The following SHOC2 variants were observed in gnomAD, a reference collection of about 807,000 sequenced individuals.
SHOC2 encodes the protein leucine-rich repeat protein SHOC-2.
In SHOC2, 4 loss-of-function variants were observed where a neutral mutation model predicts 50.2. The observed-to-expected ratio is 0.08, with a 90% CI of 0.04 to 0.18. The LOEUF (loss-of-function observed/expected upper bound fraction) is 0.18, where lower values mean the gene tolerates loss of function less well. Among genes scored for constraint, SHOC2 ranks in the 10% least tolerant of loss-of-function variants. The probability of loss-of-function intolerance (pLI) is 1.00; values close to 1 mark genes in which losing one functional copy is unlikely to be tolerated. For missense variants in SHOC2, 388 were observed against 669.6 expected (o/e 0.58, Z 4.64); for synonymous variants, 218 against 244.5 (o/e 0.89, Z 1.01).
rs138988600 is a variant in SHOC2 at position 110,986,001 on chromosome 10, A to G, written c.841+236A>G. The G allele has an allele frequency of 3.0e-4, 145 of 476,828 alleles. 1 individual carries two copies. The highest frequency in any genetic ancestry group is 1.4e-3 in the African/African-American group (71 of 51,092). 29.5% of individuals were successfully genotyped at this position (476,828 alleles called of 1,614,324 possible). A position where few individuals can be genotyped will look rare whatever the true frequency, so the allele number is the denominator to read the frequency against. On this transcript the variant is annotated intron_variant, in intron 3 of 8. Coordinates refer to ENST00000369452, the MANE Select transcript of SHOC2 (RefSeq NM_007373.4). The stretch of plus-strand genomic sequence containing the variant: ...TAAAAGAGAGAGAATATTGAGTTAC[A>G]TGTATATATATTCTGTCATAGTTTG...
Position 111,013,063 on chromosome 10 carries a change from T to C in SHOC2, c.*1245T>C, listed in dbSNP as rs754913685. ...TTCTTGGTAGTTGTTAATACAGTTA[T>C]GGAAAAGAGGCACATTGCATAGAAG... On this transcript the variant is annotated 3_prime_UTR_variant, in exon 9 of 9. Transcript: ENST00000369452. 21 of 152,738 alleles carry C rather than the reference T, an allele frequency of 1.4e-4. No homozygotes were observed. The highest frequency in any genetic ancestry group is 2.6e-4 in the Non-Finnish European group (18 of 68,020). The allele number at this position is 152,738 out of a possible 1,614,324, so 9.5% of individuals were successfully genotyped here.
intron 3 of SHOC2, among the ~76,000 whole-genome samples, chr10:110,999,886 G>T (rs1848338284): frequency 1.3e-5 from 2 of 152,000 alleles, no homozygotes; most frequent in South Asian, 4.1e-4. Flanking sequence ...TTGGGGAGGG[G>T]GTTGAGAAAT....
Position 110,977,435 on chromosome 10 carries a change from G to A in SHOC2, c.704-8193G>A, listed in dbSNP as rs187872928. Among the ~76,000 whole-genome samples the A allele has an allele frequency of 2.4e-3, 358 of 152,212 alleles. 1 individual carries two copies. Among genetic ancestry groups the A allele is most frequent in the African/African-American group, 8.2e-3 (342 of 41,534 alleles). On this transcript the variant is annotated intron_variant, in intron 2 of 8. Transcript: ENST00000369452. ...TAATTTTGTGTTTTTAGTAGAGATG[G>A]GGTTTCTCCATGTTGGTCAGGCTGG...
chr10:110,980,011 A>G (rs912579632), intron 2 of SHOC2, among the ~76,000 whole-genome samples: 1 of 152,236 alleles, frequency 6.6e-6, no homozygotes, highest in African/African-American at 2.4e-5. Flanking sequence ...AGAATCTTAC[A>G]TAACAATTTG....
At chr10:110,932,949 A>T (rs1846922861) in intron 1 of SHOC2, among the ~76,000 whole-genome samples, 1 of 152,212 alleles carries the variant, frequency 6.6e-6, no homozygotes, top group Non-Finnish European at 1.5e-5. Context: ...AATATTCAAA[A>T]CTTGTTTTAC....
intron 3 of SHOC2, among the ~76,000 whole-genome samples, chr10:110,997,273 G>T (rs1433512487): frequency 6.6e-6 from 1 of 152,146 alleles, no homozygotes; most frequent in African/African-American, 2.4e-5. Flanking sequence ...AAAAAGGATA[G>T]TGGAAGGATG....
intron 1 of SHOC2, among the ~76,000 whole-genome samples, chr10:110,925,162 G>T (rs1478958699): frequency 2.7e-5 from 4 of 148,718 alleles, no homozygotes. Flanking sequence ...TAACATTTAT[G>T]AACTTTCTTA....
At chr10:110,999,563 C>T (rs530669280) in intron 3 of SHOC2, among the ~76,000 whole-genome samples, 5 of 151,388 alleles carry the variant, frequency 3.3e-5, no homozygotes, top group Admixed American at 1.3e-4. Flanking sequence ...ATGGTGAAAC[C>T]CCGTCTGTAC....
chr10:110,991,097 C>G (rs964954070), intron 3 of SHOC2, among the ~76,000 whole-genome samples: 6 of 152,144 alleles, frequency 3.9e-5, no homozygotes, highest in Non-Finnish European at 7.4e-5. Context: ...TTCTCTGTCT[C>G]AAATAGTCTA....
Position 110,998,706 on chromosome 10 carries a change from G to A in SHOC2, c.842-1709G>A, listed in dbSNP as rs146890623. Among the ~76,000 whole-genome samples the A allele has an allele frequency of 4.4e-3, 673 of 152,226 alleles. 3 individuals are homozygous for A. Among genetic ancestry groups the A allele is most frequent in the Non-Finnish European group, 7.7e-3 (521 of 67,998 alleles). On this transcript the variant is annotated intron_variant, in intron 3 of 8. Transcript: ENST00000369452. ...TGAAGTGGTGGTTACATTTTTCTGCGTTATAGTTGACAACTTATGGCATAG... is the reference window on the plus strand; with the variant it reads ...TGAAGTGGTGGTTACATTTTTCTGCATTATAGTTGACAACTTATGGCATAG...
chr10:110,957,985 C>G (rs964076653), intron 1 of SHOC2, among the ~76,000 whole-genome samples: 4 of 152,170 alleles, frequency 2.6e-5, no homozygotes, highest in Non-Finnish European at 5.9e-5. Context: ...TATTCCTCCT[C>G]CCTTCAAACA....
chr10:110,935,594 C>G (rs1272366161), intron 1 of SHOC2, among the ~76,000 whole-genome samples: 1 of 151,962 alleles, frequency 6.6e-6, no homozygotes, highest in Non-Finnish European at 1.5e-5. Context: ...TTAGGGGAGT[C>G]TTGTGTTCAT....
At chr10:110,943,355 C>T (rs753584270) in intron 1 of SHOC2, among the ~76,000 whole-genome samples, 1 of 151,628 alleles carries the variant, frequency 6.6e-6, no homozygotes, top group African/African-American at 2.4e-5. Flanking sequence ...TGCTGTTGAA[C>T]CCTTCTAGTG....
At chr10:110,997,534 C>T (rs1422369145) in intron 3 of SHOC2, among the ~76,000 whole-genome samples, 1 of 151,830 alleles carries the variant, frequency 6.6e-6, no homozygotes, top group Non-Finnish European at 1.5e-5. Context: ...CATGCTTTTT[C>T]CCCCCCAACT....
At chr10:110,990,984 ATC>A (rs1300679992) in intron 3 of SHOC2, among the ~76,000 whole-genome samples, 1 of 152,146 alleles carries the variant, frequency 6.6e-6, no homozygotes, top group African/African-American at 2.4e-5. Flanking sequence ...TGTGCTTCCC[ATC>A]TCTCTGTTTA....
chr10:110,926,864 G>C (rs979961142), intron 1 of SHOC2, among the ~76,000 whole-genome samples: 3 of 152,106 alleles, frequency 2.0e-5, no homozygotes, highest in African/African-American at 7.2e-5. Context: ...AGTATTTATT[G>C]AACAAAATTT....
intron 1 of SHOC2, among the ~76,000 whole-genome samples, chr10:110,948,967 C>T (rs1334337383): frequency 6.6e-6 from 1 of 151,748 alleles, no homozygotes; most frequent in African/African-American, 2.4e-5. Context: ...CATCAGCTGG[C>T]GTTAGTGTTA....
intron 3 of SHOC2, among the ~76,000 whole-genome samples, chr10:110,989,999 T>C (rs1177165188): frequency 6.6e-6 from 1 of 152,198 alleles, no homozygotes; most frequent in Non-Finnish European, 1.5e-5. Context: ...CTAATTGGAA[T>C]GGTAAAGAAG....
At chr10:110,996,977 G>A (rs1009650975) in intron 3 of SHOC2, among the ~76,000 whole-genome samples, 5 of 152,204 alleles carry the variant, frequency 3.3e-5, no homozygotes, top group African/African-American at 1.2e-4. Context: ...AGTTAAGTGA[G>A]TTAAGTATCA....
Sources: allele counts gnomAD v4.1 joint callset (sites outside exome capture counted in the v4.1 genomes callset), GRCh38; gene constraint gnomAD v4.1.1; transcripts MANE v1.5; gene names NCBI Gene and HGNC (gene_info 2026-07-23, HGNC 2026-07-21).